The following PPHLN1 variants were observed in gnomAD, a reference collection of about 807,000 sequenced individuals.
PPHLN1 encodes periphilin 1.
Under a neutral mutation model 51.3 loss-of-function variants are expected in PPHLN1, and 29 were observed. The observed-to-expected ratio is 0.57, with a 90% CI of 0.42 to 0.77. PPHLN1 has a LOEUF of 0.77. PPHLN1 is among the 30% of genes least tolerant of loss of function. The pLI, the probability that PPHLN1 is intolerant of heterozygous loss-of-function variation, is 0.00. For synonymous variants in PPHLN1, 147 were observed against 147.8 expected (o/e 0.99, Z 0.04); for missense variants, 436 against 438.4 (o/e 0.99, Z 0.05).
At chr12:42,396,679 A>C (rs1049155875) in intron 8 of PPHLN1, among the ~76,000 whole-genome samples, 1 of 144,666 alleles carries the variant, frequency 6.9e-6, no homozygotes, top group Admixed American at 7.1e-5. Flanking sequence ...AGTCCCAGCT[A>C]CTCAGGAGAC....
At position 42,408,241 on chromosome 12, in the gene PPHLN1, C is replaced by T. The variant is rs547175950; in HGVS notation, c.909+9247C>T. Among the ~76,000 whole-genome samples, 123 of 151,984 alleles carry T rather than the reference C, an allele frequency of 8.1e-4. 1 individual carries two copies. The highest frequency in any genetic ancestry group is 1.9e-3 in the South Asian group (9 of 4,812). On this transcript the variant is annotated intron_variant, in intron 9 of 9. Coordinates refer to ENST00000358314, the MANE Select transcript of PPHLN1 (RefSeq NM_201439.2). ...TGACTCTTGGCCAGGTATGGTGGCT[C>T]ACGCCTGTAATCCCAGCACTTTGGG...
At chr12:42,402,077 G>A (rs1039260305) in intron 9 of PPHLN1, among the ~76,000 whole-genome samples, 6 of 150,654 alleles carry the variant, frequency 4.0e-5, no homozygotes, top group Admixed American at 1.3e-4. Context: ...CATGTTGGTC[G>A]CCAACTTCTG....
chr12:42,424,300 G>T (rs1566004170), intron 9 of PPHLN1, among the ~76,000 whole-genome samples: 1 of 152,160 alleles, frequency 6.6e-6, no homozygotes. Context: ...AAAATTTGCA[G>T]GGTTTCTCAT....
In PPHLN1 at chr12:42,441,741, A is replaced by AACT; in HGVS notation, c.*233_*235dup. 1.7e-6 allele frequency: 2 copies of AACT among 1,159,206 alleles called. No individual in the cohort carries two copies. The highest frequency in any genetic ancestry group is 2.2e-6 in the Non-Finnish European group (2 of 924,112). 71.8% of individuals were successfully genotyped at this position (1,159,206 alleles called of 1,614,324 possible). On this transcript the variant is annotated 3_prime_UTR_variant, in exon 10 of 10. Coordinates refer to ENST00000358314, the MANE Select transcript of PPHLN1 (RefSeq NM_201439.2). Reference sequence around the variant, plus strand: ...CACCATGTTGGCCAGGCTAGTCTCTAACTCCTGGCCTCAAGTGATCTGCCT... The same window carrying AACT: ...CACCATGTTGGCCAGGCTAGTCTCTAACTACTCCTGGCCTCAAGTGATCTGCCT...
intron 5 of PPHLN1, among the ~76,000 whole-genome samples, chr12:42,383,789 G>C (rs999928508): frequency 1.1e-4 from 17 of 151,880 alleles, no homozygotes; most frequent in African/African-American, 4.1e-4. Flanking sequence ...GACCAGGCTG[G>C]CCAAGATGGT....
intron 9 of PPHLN1, among the ~76,000 whole-genome samples, chr12:42,405,047 A>AT (rs1235881476): frequency 1.3e-5 from 2 of 151,684 alleles, no homozygotes; most frequent in African/African-American, 4.8e-5. Flanking sequence ...AATAAAATAA[A>AT]TTTTTTTTGC....
chr12:42,401,118 C>G (rs1261207337), intron 9 of PPHLN1, among the ~76,000 whole-genome samples: 5 of 152,108 alleles, frequency 3.3e-5, no homozygotes, highest in African/African-American at 9.7e-5. Context: ...TAATTTCTTG[C>G]TTGTACCAGT....
intron 9 of PPHLN1, among the ~76,000 whole-genome samples, chr12:42,406,296 G>A (rs2079300899): frequency 6.6e-6 from 1 of 151,724 alleles, no homozygotes; most frequent in African/African-American, 2.4e-5. Context: ...TAGCTAGGAC[G>A]GTCTCGATCT....
chr12:42,336,901 A>T (rs941208507), intron 2 of PPHLN1, among the ~76,000 whole-genome samples: 3 of 152,206 alleles, frequency 2.0e-5, no homozygotes, highest in African/African-American at 7.2e-5. Flanking sequence ...CTTATGTAAC[A>T]TTTAATCCTA....
Position 42,384,966 on chromosome 12 carries a change from A to G in PPHLN1, c.538A>G (p.Lys180Glu). 4 of 1,612,458 alleles carry G rather than the reference A, an allele frequency of 2.5e-6. No individual in the cohort carries two copies. The highest frequency in any genetic ancestry group is 3.4e-6 in the Non-Finnish European group (4 of 1,178,458). The change falls in exon 6 of 10, where the codon AAA becomes GAA. Residue 180 changes from lysine to glutamate, a missense_variant. Transcript: ENST00000358314. The part of the protein sequence containing the change: ...RKSVRPGASY[K>E]RQNEGNPERD... ...GTCCGTGCGTCCTGGTGCCTCCTAC[A>G]AACGGCAGAATGAAGGAAATCCTGA...
intron 4 of PPHLN1, among the ~76,000 whole-genome samples, chr12:42,371,473 C>T (rs1228279571): frequency 6.6e-6 from 1 of 152,134 alleles, no homozygotes; most frequent in African/African-American, 2.4e-5. Context: ...TTGATACTAT[C>T]ATTTCTCTTT....
chr12:42,347,693 T>C (rs2072569790), intron 2 of PPHLN1, among the ~76,000 whole-genome samples: 1 of 152,150 alleles, frequency 6.6e-6, no homozygotes, highest in South Asian at 2.1e-4. Flanking sequence ...GGCAGGAGAA[T>C]CATTTGAACC....
chr12:42,411,557 A>T (rs977756970), intron 9 of PPHLN1, among the ~76,000 whole-genome samples: 1 of 152,228 alleles, frequency 6.6e-6, no homozygotes, highest in South Asian at 2.1e-4. Flanking sequence ...TGGGGAGAAG[A>T]AGTCTGAGAT....
intron 2 of PPHLN1, among the ~76,000 whole-genome samples, chr12:42,350,948 C>G (rs1254887292): frequency 6.6e-6 from 1 of 151,356 alleles, no homozygotes; most frequent in Admixed American, 6.6e-5. Context: ...GAGGGAGACC[C>G]TGGAAAGCAG....
chr12:42,350,771 C>T (rs1357342965), intron 2 of PPHLN1, among the ~76,000 whole-genome samples: 3 of 152,040 alleles, frequency 2.0e-5, no homozygotes, highest in Admixed American at 6.6e-5. Flanking sequence ...GAGACCAGCC[C>T]GGCCAACACG....
At chr12:42,447,655 C>T (rs954701432), downstream of PPHLN1, 3 of 152,186 alleles carry the variant, frequency 2.0e-5, no homozygotes, top group Non-Finnish European at 2.9e-5. Flanking sequence ...ATTATCCTCC[C>T]TTCCTCTTTC....
At chr12:42,366,224 C>CTTTT (rs34689856) in intron 4 of PPHLN1, among the ~76,000 whole-genome samples, 44 of 111,176 alleles carry the variant, frequency 4.0e-4, no homozygotes, top group African/African-American at 5.6e-4. Flanking sequence ...GTACCGGACA[C>CTTTT]TTTTTTTTTT....
intron 4 of PPHLN1, chr12:42,355,538 A>G (rs1030201870): frequency 2.7e-5 from 5 of 187,930 alleles, no homozygotes; most frequent in Non-Finnish European, 5.5e-5. Context: ...GGAGTTTGAT[A>G]CCAGCCTGGC....
chr12:42,430,235 C>G (rs1011591644), intron 9 of PPHLN1, among the ~76,000 whole-genome samples: 1 of 151,924 alleles, frequency 6.6e-6, no homozygotes, highest in Non-Finnish European at 1.5e-5. Context: ...ATTTTAGCTG[C>G]TCTTCTCTCT....
Sources: allele counts gnomAD v4.1 joint callset (sites outside exome capture counted in the v4.1 genomes callset), GRCh38; gene constraint gnomAD v4.1.1; transcripts MANE v1.5; gene names NCBI Gene and HGNC (gene_info 2026-07-23, HGNC 2026-07-21).